CYB5R4: variants seen among roughly 807,000 people sequenced by gnomAD.
CYB5R4 encodes the protein cytochrome b5 reductase 4.
CYB5R4 carries 55 observed loss-of-function variants against 70.2 expected under a neutral mutation model. The ratio of observed to expected loss-of-function variants is 0.78; its 90% CI spans 0.63 to 0.98. The LOEUF (loss-of-function observed/expected upper bound fraction) is 0.98. CYB5R4 is among the 50% of genes least tolerant of loss of function. The pLI, the probability that CYB5R4 is intolerant of heterozygous loss-of-function variation, is 0.00. For synonymous variants in CYB5R4, 197 were observed against 199.5 expected (o/e 0.99, Z 0.11); for missense variants, 562 against 612.6 (o/e 0.92, Z 0.87).
chr6:83,921,736 A>C (rs902962241), intron 8 of CYB5R4, among the ~76,000 whole-genome samples: 1 of 152,252 alleles, frequency 6.6e-6, no homozygotes, highest in African/African-American at 2.4e-5. Context: ...AAAATTCCAC[A>C]GTTAAAAATA....
chr6:83,937,602 C>T (rs1236770147), intron 12 of CYB5R4, among the ~76,000 whole-genome samples: 2 of 152,148 alleles, frequency 1.3e-5, no homozygotes, highest in Non-Finnish European at 2.9e-5. Flanking sequence ...TCACTGCAAC[C>T]TCTGCCTCCT....
chr6:83,922,873 C>T (rs930618303), intron 9 of CYB5R4, among the ~76,000 whole-genome samples: 1 of 152,136 alleles, frequency 6.6e-6, no homozygotes, highest in Non-Finnish European at 1.5e-5. Flanking sequence ...ACTGCAACCT[C>T]TGCCTCTCAG....
At chr6:83,863,825 ATTAT>A (rs1562824657) in intron 1 of CYB5R4, among the ~76,000 whole-genome samples, 5 of 152,194 alleles carry the variant, frequency 3.3e-5, no homozygotes, top group Admixed American at 3.3e-4. Context: ...TAATCTAGAG[ATTAT>A]TTAAAGTATA....
intron 2 of CYB5R4, among the ~76,000 whole-genome samples, chr6:83,873,201 AC>A (rs1304369696): frequency 2.6e-5 from 4 of 151,402 alleles, no homozygotes; most frequent in African/African-American, 9.7e-5. Flanking sequence ...GTGTTAATTA[AC>A]ATTGCTAGTT....
rs1438039163 is a variant in CYB5R4, at chr6:83,967,163, A to C, written c.*7285A>C. Reference sequence around the variant, plus strand: ...GCATAAACCAATATAGAATGCAAAAACTTGGGAAATATTGTTTTCCAAAGC... The same window carrying C: ...GCATAAACCAATATAGAATGCAAAACCTTGGGAAATATTGTTTTCCAAAGC... On this transcript the variant is annotated 3_prime_UTR_variant, in exon 16 of 16. Coordinates refer to ENST00000369681, the MANE Select transcript of CYB5R4 (RefSeq NM_016230.4). 1 of 152,192 alleles carries C rather than the reference A, an allele frequency of 6.6e-6. No homozygotes were observed. The highest frequency in any genetic ancestry group is 2.4e-5 in the African/African-American group (1 of 41,456). The allele number at this position is 152,192 out of a possible 1,614,324, so 9.4% of individuals were successfully genotyped here.
Position 83,917,564 on chromosome 6 carries a change from A to C in CYB5R4, c.446-441A>C, listed in dbSNP as rs551817336. On this transcript the variant is annotated intron_variant, in intron 5 of 15. Transcript: ENST00000369681. ...CAAAAAGGACCAAGCTGATGAATTC[A>C]GTAGCATGGATAAAATTTCAGAAAG... Among the ~76,000 whole-genome samples, 3 of 152,304 alleles carry C rather than the reference A, an allele frequency of 2.0e-5. No individual in the cohort carries two copies. In the East Asian group the frequency reaches 5.8e-4, roughly 29 times the overall value.
intron 2 of CYB5R4, among the ~76,000 whole-genome samples, chr6:83,882,602 G>C (rs149994648): frequency 1.4e-3 from 217 of 152,238 alleles, no homozygotes; most frequent in African/African-American, 4.9e-3. Context: ...GCAGTTATTG[G>C]AGTCTGACTC....
At chr6:83,865,927 G>A (rs2099456657) in intron 2 of CYB5R4, among the ~76,000 whole-genome samples, 1 of 152,142 alleles carries the variant, frequency 6.6e-6, no homozygotes, top group Non-Finnish European at 1.5e-5. Context: ...ATTCTGGCAG[G>A]TGCAAAAAGA....
At chr6:83,921,059 T>G (rs1271862747) in intron 7 of CYB5R4, 23 bp from the exon 8 acceptor site, 1 of 1,444,104 alleles carries the variant, frequency 6.9e-7, no homozygotes, top group Non-Finnish European at 9.3e-7. Flanking sequence ...TTCTAATCTT[T>G]CTATTTTTGC....
At chr6:83,864,888 A>G (rs1483947917) in intron 2 of CYB5R4, among the ~76,000 whole-genome samples, 2 of 152,192 alleles carry the variant, frequency 1.3e-5, no homozygotes, top group Non-Finnish European at 2.9e-5. Flanking sequence ...GAGCAGGCAG[A>G]CAAGAAGGTA....
chr6:83,870,971 C>CTTTTTTTTTTTTTTT (rs759131653), intron 2 of CYB5R4, among the ~76,000 whole-genome samples: 3 of 88,620 alleles, frequency 3.4e-5, no homozygotes, highest in African/African-American at 4.9e-5. Flanking sequence ...TCATTGTTTG[C>CTTTTTTTTTTTTTTT]TTTTTTTTTT....
intron 14 of CYB5R4, among the ~76,000 whole-genome samples, chr6:83,942,568 GT>G (rs1190043030): frequency 6.6e-6 from 1 of 151,678 alleles, no homozygotes; most frequent in Non-Finnish European, 1.5e-5. Flanking sequence ...AGCTGCAGGA[GT>G]TTTTTTTTGT....
At chr6:83,954,098 C>G (rs1171251291) in intron 14 of CYB5R4, among the ~76,000 whole-genome samples, 1 of 152,100 alleles carries the variant, frequency 6.6e-6, no homozygotes, top group East Asian at 1.9e-4. Flanking sequence ...CCACATGTCT[C>G]CAGCATCTCA....
intron 12 of CYB5R4, among the ~76,000 whole-genome samples, chr6:83,936,865 T>C (rs1045870919): frequency 1.3e-5 from 2 of 152,238 alleles, no homozygotes; most frequent in Non-Finnish European, 2.9e-5. Flanking sequence ...TATACAAAAA[T>C]ACTTGTGCTA....
intron 10 of CYB5R4, among the ~76,000 whole-genome samples, chr6:83,933,817 T>C (rs566676865): frequency 1.3e-3 from 192 of 152,346 alleles, no homozygotes; most frequent in African/African-American, 4.4e-3. Flanking sequence ...TTTATCTATT[T>C]GTATGTTAGT....
chr6:83,881,629 C>A (rs2099459463), intron 2 of CYB5R4, among the ~76,000 whole-genome samples: 1 of 152,178 alleles, frequency 6.6e-6, no homozygotes, highest in Non-Finnish European at 1.5e-5. Context: ...TTTAGTTTCA[C>A]CTTTCTTCAT....
chr6:83,945,844 C>T (rs1220540157), intron 14 of CYB5R4, among the ~76,000 whole-genome samples: 1 of 152,102 alleles, frequency 6.6e-6, no homozygotes, highest in Non-Finnish European at 1.5e-5. Context: ...AATTCCTGGA[C>T]ACATACACCC....
rs753804297 is a variant in CYB5R4 at position 83,963,115 on chromosome 6, T to C, written c.*3237T>C. ...TATAGCTGTAAAGTCCCTTTTCCTA[T>C]ATAATATATTCAAAGGTTGCAGGCA... On this transcript the variant is annotated 3_prime_UTR_variant, in exon 16 of 16. Coordinates refer to ENST00000369681, the MANE Select transcript of CYB5R4 (RefSeq NM_016230.4). 14 of 152,204 alleles carry C rather than the reference T, an allele frequency of 9.2e-5. No individual in the cohort carries two copies. Among genetic ancestry groups the C allele is most frequent in the Non-Finnish European group, 1.9e-4 (13 of 68,040 alleles). The allele number at this position is 152,204 out of a possible 1,614,324, so 9.4% of individuals were successfully genotyped here.
chr6:83,925,225 G>T (rs1477583632), intron 10 of CYB5R4, among the ~76,000 whole-genome samples: 2 of 152,074 alleles, frequency 1.3e-5, no homozygotes, highest in South Asian at 4.1e-4. Flanking sequence ...AGAAGGAGGA[G>T]GAGAGAGATG....
Sources: allele counts gnomAD v4.1 joint callset (sites outside exome capture counted in the v4.1 genomes callset), GRCh38; gene constraint gnomAD v4.1.1; transcripts MANE v1.5; gene names NCBI Gene and HGNC (gene_info 2026-07-23, HGNC 2026-07-21).